The following DCP1A variants were observed in gnomAD, a reference collection of about 807,000 sequenced individuals.
The protein encoded by DCP1A is mRNA-decapping enzyme 1A.
Under a neutral mutation model 58.0 loss-of-function variants are expected in DCP1A, and 20 were observed. The ratio of observed to expected loss-of-function variants is 0.34; its 90% confidence interval spans 0.24 to 0.50. DCP1A has a LOEUF of 0.50. DCP1A is among the 20% of genes least tolerant of loss of function. The probability of loss-of-function intolerance (pLI) is 0.98; values close to 1 mark genes in which losing one functional copy is unlikely to be tolerated. For missense variants in DCP1A, 613 were observed against 712.2 expected (o/e 0.86, Z 1.59); for synonymous variants, 285 against 275.1 (o/e 1.04, Z -0.36).
intron 3 of DCP1A, among the ~76,000 whole-genome samples, chr3:53,325,099 A>G (rs1708072814): frequency 6.6e-6 from 1 of 152,222 alleles, no homozygotes; most frequent in South Asian, 2.1e-4. Flanking sequence ...GTTTTGAGTA[A>G]GAGTTTTCTA....
At chr3:53,314,909 T>C (rs1171395793) in intron 4 of DCP1A, among the ~76,000 whole-genome samples, 1 of 151,900 alleles carries the variant, frequency 6.6e-6, no homozygotes, top group Non-Finnish European at 1.5e-5. Context: ...TGACCTCAAG[T>C]GATCTGACCA....
At chr3:53,294,761 T>C (rs1047380653) in intron 6 of DCP1A, among the ~76,000 whole-genome samples, 3 of 152,036 alleles carry the variant, frequency 2.0e-5, no homozygotes, top group Non-Finnish European at 4.4e-5. Context: ...CTCTATAAAG[T>C]AGGGAGGTCT....
chr3:53,287,693 T>C (rs1297792890), intron 9 of DCP1A, 33 bp from the exon 10 acceptor site: 2 of 1,482,200 alleles, frequency 1.3e-6, no homozygotes, highest in Non-Finnish European at 1.9e-6. Context: ...AGGATACGAA[T>C]GCCACATTTA....
At chr3:53,312,494 T>TA in intron 4 of DCP1A, 115 bp from the exon 5 acceptor site, 421 of 910,484 alleles carry the variant, frequency 4.6e-4, no homozygotes, top group Non-Finnish European at 6.0e-4. Flanking sequence ...ATGACATTCT[T>TA]CTTTTTTTTT....
chr3:53,306,595 C>T (rs1707478358), intron 5 of DCP1A, among the ~76,000 whole-genome samples: 1 of 151,546 alleles, frequency 6.6e-6, no homozygotes, highest in Admixed American at 6.6e-5. Flanking sequence ...CACTGTGAAA[C>T]CCTGTCTATA....
chr3:53,323,556 AC>A lies in DCP1A; in HGVS notation c.305-4084del, dbSNP rs1354590401. On this transcript the variant is annotated intron_variant, in intron 3 of 9. Transcript: ENST00000610213. Reference sequence around the variant, plus strand: ...ATTAATCTGGACATACCAAAACAATACACAGTGATAAGAAAAGTTTATGATA... The same window carrying A: ...ATTAATCTGGACATACCAAAACAATAACAGTGATAAGAAAAGTTTATGATA... 3.3e-5 allele frequency among the ~76,000 whole-genome samples: 5 copies of A among 152,276 alleles called. No individual in the cohort carries two copies. In the East Asian group the frequency reaches 9.6e-4, roughly 29 times the overall value.
At chr3:53,329,949 A>G (rs2088955815) in intron 3 of DCP1A, among the ~76,000 whole-genome samples, 1 of 152,228 alleles carries the variant, frequency 6.6e-6, no homozygotes, top group Non-Finnish European at 1.5e-5. Flanking sequence ...ACACTGGTCT[A>G]TGGTGAGAAT....
intron 3 of DCP1A, among the ~76,000 whole-genome samples, chr3:53,324,888 GA>G (rs1708067354): frequency 1.3e-5 from 2 of 150,618 alleles, no homozygotes; most frequent in Admixed American, 6.6e-5. Flanking sequence ...AAAAAAAAAA[GA>G]AAAAAGTTAG....
intron 3 of DCP1A, among the ~76,000 whole-genome samples, chr3:53,328,765 G>A (rs1467270966): frequency 1.3e-5 from 2 of 152,236 alleles, no homozygotes; most frequent in African/African-American, 4.8e-5. Context: ...CACTGAGTCA[G>A]ACTCAGCCAC....
chr3:53,324,310 CAACATATCAA>C (rs1386291456), intron 3 of DCP1A, among the ~76,000 whole-genome samples: 1 of 152,174 alleles, frequency 6.6e-6, no homozygotes, highest in Non-Finnish European at 1.5e-5. Context: ...CTCTGTCTGC[CAACATATCAA>C]ACGGTCAGTG....
intron 3 of DCP1A, among the ~76,000 whole-genome samples, chr3:53,322,312 C>T (rs931975210): frequency 8.6e-5 from 13 of 151,878 alleles, no homozygotes; most frequent in Non-Finnish European, 1.3e-4. Context: ...AGTAGCCAGG[C>T]GTGGTGGTGG....
chr3:53,329,296 T>C (rs1276110046), intron 3 of DCP1A: 2 of 398,266 alleles, frequency 5.0e-6, no homozygotes, highest in East Asian at 3.6e-5. Flanking sequence ...GCAGTGGCAT[T>C]TTCAACACTA....
chr3:53,291,004 A>G, intron 7 of DCP1A, 148 bp from the exon 8 acceptor site: 1 of 723,964 alleles, frequency 1.4e-6, no homozygotes, highest in Non-Finnish European at 2.4e-6. Flanking sequence ...CTAGATTCCC[A>G]AGGGAAGAGT....
chr3:53,336,249 G>A (rs572663824), intron 3 of DCP1A, among the ~76,000 whole-genome samples: 3 of 152,212 alleles, frequency 2.0e-5, no homozygotes, highest in Non-Finnish European at 2.9e-5. Flanking sequence ...GGGATTACAG[G>A]TGTCTGCCAC....
At chr3:53,290,192 G>A (rs570409831) in intron 8 of DCP1A, among the ~76,000 whole-genome samples, 24 of 152,136 alleles carry the variant, frequency 1.6e-4, no homozygotes, top group Non-Finnish European at 3.1e-4. Context: ...GGAGAGTAGG[G>A]ACAACAAAAA....
At chr3:53,319,662 C>T (rs368657657) in intron 3 of DCP1A, among the ~76,000 whole-genome samples, 189 bp from the exon 4 acceptor site, 1 of 152,094 alleles carries the variant, frequency 6.6e-6, no homozygotes, top group African/African-American at 2.4e-5. Flanking sequence ...ACAGGTAAAA[C>T]ATTCAGATAA....
chr3:53,331,923 T>C (rs1482513212), intron 3 of DCP1A, among the ~76,000 whole-genome samples: 1 of 152,218 alleles, frequency 6.6e-6, no homozygotes, highest in African/African-American at 2.4e-5. Context: ...TTGTAGCAGG[T>C]ATGTACTGGG....
intron 3 of DCP1A, among the ~76,000 whole-genome samples, chr3:53,327,211 C>T (rs188483956): frequency 1.0e-3 from 154 of 152,300 alleles, no homozygotes; most frequent in Admixed American, 1.8e-3. Flanking sequence ...CTTCTACTCT[C>T]CTACACATTT....
chr3:53,285,253 C>T lies in DCP1A; in HGVS notation c.*2327G>A, dbSNP rs1158883479. 1 of 152,142 alleles carries T rather than the reference C, an allele frequency of 6.6e-6. No homozygotes were observed. The highest frequency in any genetic ancestry group is 1.5e-5 in the Non-Finnish European group (1 of 68,026). 9.4% of individuals were successfully genotyped at this position (152,142 alleles called of 1,614,324 possible). ...TAAGCTTCCAGTAAAGACACTGCAG[C>T]AATGTAAACATGCAACCTAAGCTAG... On this transcript the variant is annotated 3_prime_UTR_variant, in exon 10 of 10. Transcript: ENST00000610213.
Sources: gnomAD v4.1 joint callset for allele counts (sites outside exome capture counted in the v4.1 genomes callset) on GRCh38, gnomAD v4.1.1 for gene constraint, MANE v1.5 for transcripts, NCBI Gene and HGNC (gene_info 2026-07-23, HGNC 2026-07-21) for gene names.